Variants in SWT1 observed in about 807,000 individuals in gnomAD.
The protein encoded by SWT1 is transcriptional protein SWT1.
Under a neutral mutation model 107.3 loss-of-function variants are expected in SWT1, and 33 were observed. That is an observed-to-expected ratio of 0.31 (90% CI 0.23 to 0.41). The LOEUF is 0.41. SWT1 is among the 10% of genes least tolerant of loss of function. SWT1 has a pLI of 1.00. For missense variants in SWT1, 898 were observed against 1,028.9 expected (o/e 0.87, Z 1.74); for synonymous variants, 345 against 348.3 (o/e 0.99, Z 0.11).
chr1:185,200,864 C>G (rs118138827), intron 10 of SWT1, among the ~76,000 whole-genome samples: 50 of 152,302 alleles, frequency 3.3e-4, no homozygotes, highest in African/African-American at 1.2e-3. Context: ...GCAGCTTCCC[C>G]CAGGTGCTCT....
intron 7 of SWT1, 114 bp downstream of exon 7, chr1:185,182,171 A>G: frequency 9.5e-7 from 1 of 1,056,642 alleles, no homozygotes; most frequent in Non-Finnish European, 1.3e-6. Context: ...CTCACTTGAA[A>G]TGAATGATAA....
intron 16 of SWT1, chr1:185,264,213 C>A: frequency 6.6e-6 from 2 of 304,568 alleles, no homozygotes; most frequent in South Asian, 1.3e-4. Context: ...ACCTTATTTA[C>A]AATAATCAAT....
At chr1:185,177,202 T>C (rs529602392) in intron 5 of SWT1, among the ~76,000 whole-genome samples, 3 of 152,334 alleles carry the variant, frequency 2.0e-5, no homozygotes, top group Admixed American at 6.5e-5. Flanking sequence ...TCTTGTGTTA[T>C]AACCATTTCT....
At chr1:185,211,749 A>T (rs1658826962) in intron 13 of SWT1, among the ~76,000 whole-genome samples, 1 of 152,216 alleles carries the variant, frequency 6.6e-6, no homozygotes, top group Non-Finnish European at 1.5e-5. Flanking sequence ...ATAAAGACAC[A>T]TGCACACATA....
At chr1:185,289,415 T>C (rs1264233644) in intron 18 of SWT1, among the ~76,000 whole-genome samples, 3 of 152,226 alleles carry the variant, frequency 2.0e-5, no homozygotes, top group African/African-American at 4.8e-5. Context: ...TAGTTCTACC[T>C]TACTCTCTGA....
rs535315163 is a variant in SWT1, at chr1:185,241,076, G to A, written c.2441+9368G>A. Among the ~76,000 whole-genome samples, 14 of 152,164 alleles carry A rather than the reference G, an allele frequency of 9.2e-5. No individual in the cohort carries two copies. The South Asian group carries it at 2.9e-3, about 32-fold the overall frequency. On this transcript the variant is annotated intron_variant, in intron 16 of 18. Transcript: ENST00000367500. Reference sequence around the variant, plus strand: ...TTGACCTCTTAAGATTTTGGAAAAGGTTATTTAGAATAGGTCATCCTTTAC... The same window carrying A: ...TTGACCTCTTAAGATTTTGGAAAAGATTATTTAGAATAGGTCATCCTTTAC...
chr1:185,227,893 CAGCCTGGGCAACATGG>C (rs1660196055), intron 15 of SWT1, among the ~76,000 whole-genome samples: 1 of 151,824 alleles, frequency 6.6e-6, no homozygotes, highest in Non-Finnish European at 1.5e-5. Context: ...AGTTTGAGAC[CAGCCTGGGCAACATGG>C]TGAGACTTTG....
chr1:185,250,654 T>G (rs1661943031), intron 16 of SWT1, among the ~76,000 whole-genome samples: 1 of 152,048 alleles, frequency 6.6e-6, no homozygotes, highest in African/African-American at 2.4e-5. Flanking sequence ...TTTAATTTAA[T>G]TTTAATTTAA....
At chr1:185,206,814 G>A in intron 13 of SWT1, 51 bp downstream of exon 13, 1 of 1,266,570 alleles carries the variant, frequency 7.9e-7, no homozygotes, top group Non-Finnish European at 1.1e-6. Context: ...AGTCAGACTA[G>A]CAGATATATT....
chr1:185,276,683 T>A lies in SWT1; in HGVS notation c.2573+15T>A. 7.0e-7 allele frequency: 1 copy of A among 1,421,122 alleles called. No homozygotes were observed. Among genetic ancestry groups the A allele is most frequent in the Non-Finnish European group, 9.8e-7 (1 of 1,020,334 alleles). The allele number at this position is 1,421,122 out of a possible 1,614,324, so 88.0% of individuals were successfully genotyped here. On this transcript the variant is annotated intron_variant, in intron 18 of 18. Transcript: ENST00000367500. ...ACTGAGTATAGGTAAGTCATATCTA[T>A]ATATAGATATAAACCATTGTAACAA... is the stretch of plus-strand genomic sequence containing the variant.
rs1310258610 is a variant in SWT1 at position 185,284,745 on chromosome 1, T to C, written c.2574-5929T>C. On this transcript the variant is annotated intron_variant, in intron 18 of 18. Coordinates refer to ENST00000367500, the MANE Select transcript of SWT1 (RefSeq NM_017673.7). ...AGCATATGGCAGTTGTGGCTTCTTCTTGTCAGTTAGCCTAGAGCCCACATA... is the reference window on the plus strand; with the variant it reads ...AGCATATGGCAGTTGTGGCTTCTTCCTGTCAGTTAGCCTAGAGCCCACATA... Among the ~76,000 whole-genome samples, 3 of 152,236 alleles carry C rather than the reference T, an allele frequency of 2.0e-5. No individual in the cohort carries two copies. The East Asian group carries it at 5.8e-4, about 29-fold the overall frequency.
chr1:185,169,916 G>C (rs1037631533), intron 4 of SWT1, among the ~76,000 whole-genome samples: 1 of 152,024 alleles, frequency 6.6e-6, no homozygotes, highest in Non-Finnish European at 1.5e-5. Context: ...CATTGCCAAA[G>C]AGCTATTGAT....
At chr1:185,214,739 A>G in intron 14 of SWT1, 84 bp downstream of exon 14, 1 of 1,148,360 alleles carries the variant, frequency 8.7e-7, no homozygotes. Flanking sequence ...TAGGTAAAGG[A>G]TAATTTAATT....
At chr1:185,170,685 G>T (rs991426769) in intron 4 of SWT1, among the ~76,000 whole-genome samples, 1 of 152,168 alleles carries the variant, frequency 6.6e-6, no homozygotes, top group Non-Finnish European at 1.5e-5. Context: ...ATTCTTGTAC[G>T]CATTTACTTA....
At chr1:185,281,172 A>G in intron 18 of SWT1, 1 of 231,514 alleles carries the variant, frequency 4.3e-6, no homozygotes. Context: ...ACTTTACAAG[A>G]ATGCCATTGC....
At chr1:185,202,205 G>C (rs146069377) in intron 10 of SWT1, among the ~76,000 whole-genome samples, 239 of 152,186 alleles carry the variant, frequency 1.6e-3, no homozygotes, top group Non-Finnish European at 2.8e-3. Context: ...CAGCAAGTTT[G>C]TGCTATTTGT....
chr1:185,204,446 T>A (rs1558037788), intron 11 of SWT1, among the ~76,000 whole-genome samples: 1 of 152,168 alleles, frequency 6.6e-6, no homozygotes, highest in African/African-American at 2.4e-5. Flanking sequence ...ACATTTTTAT[T>A]TGAGTAAAAA....
In SWT1 at chr1:185,222,056, T is replaced by G; in HGVS notation, c.2309+20T>G. The G allele has an allele frequency of 7.0e-7, 1 of 1,437,440 alleles. No individual in the cohort carries two copies. Among genetic ancestry groups the G allele is most frequent in the Non-Finnish European group, 9.3e-7 (1 of 1,080,440 alleles). The allele number at this position is 1,437,440 out of a possible 1,614,324, so 89.0% of individuals were successfully genotyped here. ...GAACAGGTACTAAATTTGGGGGAAT[T>G]TTTTTTTAGTTATTTTTTAAATTGA... is the stretch of plus-strand genomic sequence containing the variant. On this transcript the variant is annotated intron_variant, in intron 15 of 18. Transcript: ENST00000367500.
At position 185,207,035 on chromosome 1, in the gene SWT1, AT is replaced by A. The variant is rs937503976; in HGVS notation, c.1972+277del. 2.0e-5 allele frequency among the ~76,000 whole-genome samples: 3 copies of A among 152,210 alleles called. No homozygotes were observed. In the East Asian group the frequency reaches 5.8e-4, roughly 29 times the overall value. ...TATTTCAAAATATTGTGAATATATA[AT>A]TTTTGATGATGTCTACTTTGAAAAC... is the stretch of plus-strand genomic sequence containing the variant. On this transcript the variant is annotated intron_variant, in intron 13 of 18. Coordinates refer to ENST00000367500, the MANE Select transcript of SWT1 (RefSeq NM_017673.7).
Sources: gnomAD v4.1 joint callset for allele counts (sites outside exome capture counted in the v4.1 genomes callset) on GRCh38, gnomAD v4.1.1 for gene constraint, MANE v1.5 for transcripts, NCBI Gene and HGNC (gene_info 2026-07-23, HGNC 2026-07-21) for gene names.